ASTN1: variants seen among roughly 807,000 people sequenced by gnomAD.
ASTN1 encodes astrotactin 1.
In ASTN1, 41 loss-of-function variants were observed where a neutral mutation model predicts 140.7. The observed-to-expected ratio is 0.29, with a 90% CI of 0.23 to 0.38. ASTN1 has a LOEUF of 0.38. Ranked by LOEUF, ASTN1 falls within the 10% of genes least tolerant of loss-of-function variation. The probability of loss-of-function intolerance (pLI) is 1.00; values close to 1 mark genes in which losing one functional copy is unlikely to be tolerated. For synonymous variants in ASTN1, 640 were observed against 652.2 expected (o/e 0.98, Z 0.29); for missense variants, 1,479 against 1,678.8 (o/e 0.88, Z 2.08).
chr1:176,902,515 A>C (rs1669812721), intron 16 of ASTN1, among the ~76,000 whole-genome samples: 1 of 152,220 alleles, frequency 6.6e-6, no homozygotes, highest in Admixed American at 6.5e-5. Context: ...CCGGCTAATT[A>C]GGTTTATGTT....
At chr1:177,110,609 T>C (rs1558102519) in intron 1 of ASTN1, among the ~76,000 whole-genome samples, 1 of 152,192 alleles carries the variant, frequency 6.6e-6, no homozygotes, top group East Asian at 1.9e-4. Context: ...GCAAGGTACA[T>C]GGGCCGTTTC....
At chr1:177,145,661 A>C (rs1163234502) in intron 1 of ASTN1, among the ~76,000 whole-genome samples, 1 of 152,210 alleles carries the variant, frequency 6.6e-6, no homozygotes, top group East Asian at 1.9e-4. Flanking sequence ...ACTCTTATTC[A>C]TTCACTCAGT....
At chr1:176,918,895 C>G (rs1033032747) in intron 16 of ASTN1, among the ~76,000 whole-genome samples, 1 of 152,150 alleles carries the variant, frequency 6.6e-6, no homozygotes, top group Non-Finnish European at 1.5e-5. Context: ...TTGTCCTGCC[C>G]CAACCCCACC....
intron 8 of ASTN1, among the ~76,000 whole-genome samples, chr1:176,990,619 T>C (rs983685325): frequency 6.6e-6 from 1 of 151,994 alleles, no homozygotes; most frequent in African/African-American, 2.4e-5. Flanking sequence ...AGTAACACAG[T>C]AGAAGATGAA....
intron 16 of ASTN1, among the ~76,000 whole-genome samples, chr1:176,899,541 C>T (rs910761528): frequency 3.9e-5 from 6 of 152,208 alleles, no homozygotes; most frequent in Non-Finnish European, 8.8e-5. Context: ...GTTCATTAGG[C>T]AGCAAAGAAA....
chr1:176,869,838 A>T (rs1668266940), intron 21 of ASTN1, among the ~76,000 whole-genome samples: 1 of 152,120 alleles, frequency 6.6e-6, no homozygotes, highest in Non-Finnish European at 1.5e-5. Context: ...AGATGAAGTG[A>T]GGCACTGTCA....
At chr1:177,034,766 A>G (rs991818734) in intron 2 of ASTN1, among the ~76,000 whole-genome samples, 1 of 152,204 alleles carries the variant, frequency 6.6e-6, no homozygotes, top group Non-Finnish European at 1.5e-5. Context: ...AACTGCAACA[A>G]TAGGTAATTA....
chr1:176,986,164 C>T (rs1356534584), intron 8 of ASTN1, among the ~76,000 whole-genome samples: 2 of 152,150 alleles, frequency 1.3e-5, no homozygotes, highest in Admixed American at 6.5e-5. Context: ...TTTCTCTTCA[C>T]AACATTTGCA....
At chr1:176,878,108 C>G (rs934721731) in intron 20 of ASTN1, among the ~76,000 whole-genome samples, 2 of 152,168 alleles carry the variant, frequency 1.3e-5, no homozygotes, top group Non-Finnish European at 2.9e-5. Flanking sequence ...GGGCCTCACA[C>G]AGGCAGCCCC....
chr1:177,102,461 A>T (rs1380532676), intron 1 of ASTN1, among the ~76,000 whole-genome samples: 1 of 152,124 alleles, frequency 6.6e-6, no homozygotes. Flanking sequence ...GAGGTCAATG[A>T]CCCTTTGCAG....
Position 176,861,608 on chromosome 1 carries a change from C to T in ASTN1, c.*2676G>A, listed in dbSNP as rs1440763335. 1 of 985,406 alleles carries T rather than the reference C, an allele frequency of 1.0e-6. No homozygotes were observed. The highest frequency in any genetic ancestry group is 1.2e-6 in the Non-Finnish European group (1 of 829,974). The allele number at this position is 985,406 out of a possible 1,614,324, so 61.0% of individuals were successfully genotyped here. ...ACAACCATCCTAAGATTTTCCCCTG[C>T]CCTGTTCATATCAGCCTTTTTAACT... On this transcript the variant is annotated 3_prime_UTR_variant, in exon 23 of 23. Coordinates refer to ENST00000361833, the MANE Select transcript of ASTN1 (RefSeq NM_004319.3).
intron 8 of ASTN1, among the ~76,000 whole-genome samples, chr1:177,005,897 C>T (rs1674972139): frequency 6.6e-6 from 1 of 152,206 alleles, no homozygotes; most frequent in East Asian, 1.9e-4. Context: ...GCGTGAGCCA[C>T]CGTGCCCTGC....
intron 21 of ASTN1, among the ~76,000 whole-genome samples, chr1:176,875,051 T>C (rs1325159196): frequency 6.6e-6 from 1 of 152,188 alleles, no homozygotes; most frequent in Admixed American, 6.5e-5. Context: ...ATTATAATAA[T>C]AAATATGATG....
intron 1 of ASTN1, among the ~76,000 whole-genome samples, chr1:177,155,299 T>C (rs545186697): frequency 6.6e-6 from 1 of 152,224 alleles, no homozygotes; most frequent in African/African-American, 2.4e-5. Flanking sequence ...TATTACACCA[T>C]ACATGTGTGA....
chr1:177,163,439 A>G (rs181734530), intron 1 of ASTN1, among the ~76,000 whole-genome samples: 1 of 152,304 alleles, frequency 6.6e-6, no homozygotes, highest in African/African-American at 2.4e-5. Context: ...ATACTAGAGC[A>G]GGACCACAAA....
rs61813268 is a variant in ASTN1, at chr1:176,917,167, C to T, written c.2671+16985G>A. 5.9e-3 allele frequency among the ~76,000 whole-genome samples: 896 copies of T among 152,224 alleles called. 2 individuals carry two copies. Among genetic ancestry groups the T allele is most frequent in the Admixed American group, 9.9e-3 (151 of 15,228 alleles). On this transcript the variant is annotated intron_variant, in intron 16 of 22. Transcript: ENST00000361833. ...TCCTCAGGTCTCTGGTAGCCCCTGT[C>T]ATACCTCATTGTAATTTCTGGTTTC...
At chr1:176,931,702 T>C (rs17379085) in intron 16 of ASTN1, among the ~76,000 whole-genome samples, 25,882 of 152,148 alleles carry the variant, frequency 0.17, 2,947 homozygotes, top group Middle Eastern at 0.25. Context: ...AAAACCCACA[T>C]GGAAGTCACC....
Position 176,864,154 on chromosome 1 carries a change from T to TC in ASTN1, c.*129dup. On this transcript the variant is annotated 3_prime_UTR_variant, in exon 23 of 23. Coordinates refer to ENST00000361833, the MANE Select transcript of ASTN1 (RefSeq NM_004319.3). ...TCTGCAGGGAGCAAGGATCACTTTCTCCCTGGTTTCGATGTTGCTGTGGAG... is the reference window on the plus strand; with the variant it reads ...TCTGCAGGGAGCAAGGATCACTTTCTCCCCTGGTTTCGATGTTGCTGTGGAG... The TC allele has an allele frequency of 6.7e-7, 1 of 1,497,894 alleles. No individual in the cohort carries two copies. The highest frequency in any genetic ancestry group is 2.3e-5 in the East Asian group (1 of 43,856). The allele number at this position is 1,497,894 out of a possible 1,614,324, so 92.8% of individuals were successfully genotyped here. A position where few individuals can be genotyped will look rare whatever the true frequency, so the allele number is the denominator to read the frequency against.
chr1:177,141,077 G>A (rs1269587770), intron 1 of ASTN1, among the ~76,000 whole-genome samples: 3 of 152,132 alleles, frequency 2.0e-5, no homozygotes, highest in Middle Eastern at 3.4e-3. Context: ...TTAGCCGGAC[G>A]TGGTGGCAGG....
Sources: allele counts gnomAD v4.1 joint callset (sites outside exome capture counted in the v4.1 genomes callset), GRCh38; gene constraint gnomAD v4.1.1; transcripts MANE v1.5; gene names NCBI Gene and HGNC (gene_info 2026-07-23, HGNC 2026-07-21).